Variants in SLC22A24 observed in about 807,000 individuals in gnomAD.
The protein encoded by SLC22A24 is solute carrier family 22 member 24, also known as steroid transmembrane transporter SLC22A24.
In SLC22A24, 53 loss-of-function variants were observed where a neutral mutation model predicts 49.8. That is an observed-to-expected ratio of 1.06 (90% CI 0.85 to 1.34). The LOEUF (loss-of-function observed/expected upper bound fraction) is 1.34. SLC22A24 is among the 40% of genes most tolerant of loss of function. The probability of loss-of-function intolerance (pLI) is 0.00; values close to 1 mark genes in which losing one functional copy is unlikely to be tolerated. For synonymous variants in SLC22A24, 302 were observed against 256.4 expected, an observed-to-expected ratio of 1.18 and a Z score of -1.70; for missense variants, 786 against 675.9, an observed-to-expected ratio of 1.16 and a Z score of -1.81.
At chr11:63,093,388 C>T (rs1281563814) in intron 6 of SLC22A24, among the ~76,000 whole-genome samples, 1 of 152,114 alleles carries the variant, frequency 6.6e-6, no homozygotes, top group African/African-American at 2.4e-5. Context: ...AAAACACATG[C>T]ACACGTATGT....
chr11:63,124,630 C>T (rs1164872754), intron 2 of SLC22A24, among the ~76,000 whole-genome samples: 3 of 152,122 alleles, frequency 2.0e-5, no homozygotes, highest in Non-Finnish European at 4.4e-5. Context: ...AATTATTTTA[C>T]AACTGGTCTC....
chr11:63,091,318 C>T (rs2087019320), intron 6 of SLC22A24, among the ~76,000 whole-genome samples: 2 of 151,656 alleles, frequency 1.3e-5, no homozygotes, highest in African/African-American at 4.8e-5. Flanking sequence ...CCGAAGTCTA[C>T]CAGAGGTACA....
chr11:63,133,905 A>G (rs1403551018), intron 2 of SLC22A24, among the ~76,000 whole-genome samples: 1 of 152,154 alleles, frequency 6.6e-6, no homozygotes, highest in Non-Finnish European at 1.5e-5. Context: ...TTGGCCTCCC[A>G]AAGTGTTGGT....
rs182129227 is a variant in SLC22A24 at position 63,121,762 on chromosome 11, A to G, written c.507-2427T>C. ...ATTAACTCATCATTTAGCATTAGGTATATCTCCTAATGCTATCCCTCCCGA... is the reference window on the plus strand; with the variant it reads ...ATTAACTCATCATTTAGCATTAGGTGTATCTCCTAATGCTATCCCTCCCGA... On this transcript the variant is annotated intron_variant, in intron 2 of 9. Transcript: ENST00000612278. Among the ~76,000 whole-genome samples, 291 of 152,116 alleles carry G rather than the reference A, an allele frequency of 1.9e-3. 2 individuals are homozygous for G. Among genetic ancestry groups the G allele is most frequent in the Non-Finnish European group, 3.3e-3 (223 of 67,994 alleles).
chr11:63,143,405 G>C lies in SLC22A24; in HGVS notation c.375C>G (p.Ser125Arg), dbSNP rs758582815. ...CAGTCACGATGGTGGAGAGGAAAGA[G>C]CTTCTGTCGTACACCCAGCCATCCA... is the stretch of plus-strand genomic sequence containing the variant. ...PCVDGWVYDR[S>R]SFLSTIVTEW... Residue 125 changes from serine (S) to arginine (R), a missense_variant, in exon 1 of 10, where the codon AGC (serine) becomes AGG (arginine). By Grantham distance (110) the Ser-to-Arg change is moderately radical. Transcript: ENST00000612278. The C allele has an allele frequency of 6.7e-7, 1 of 1,492,294 alleles. No individual in the cohort carries two copies. Among genetic ancestry groups the C allele is most frequent in the African/African-American group, 1.4e-5 (1 of 70,236 alleles). The allele number at this position is 1,492,294 out of a possible 1,614,324, so 92.4% of individuals were successfully genotyped here.
chr11:63,099,865 A>G (rs1255967344), intron 5 of SLC22A24, among the ~76,000 whole-genome samples: 1 of 152,162 alleles, frequency 6.6e-6, no homozygotes, highest in African/African-American at 2.4e-5. Flanking sequence ...GCATTTGATA[A>G]AATTCAACTT....
chr11:63,120,581 G>A (rs560079873), intron 2 of SLC22A24, among the ~76,000 whole-genome samples: 1 of 152,140 alleles, frequency 6.6e-6, no homozygotes, highest in South Asian at 2.1e-4. Flanking sequence ...AGAAGGGGAA[G>A]ATAAACAAAT....
rs1345443742 is a variant in SLC22A24 at position 63,134,657 on chromosome 11, A to C, written c.506+8T>G. Reference sequence around the variant, plus strand: ...AAACAGCCCCAAAGAAAGTGAGATGACACTCACCTGTCTGAAAGATGGCCA... The same window carrying C: ...AAACAGCCCCAAAGAAAGTGAGATGCCACTCACCTGTCTGAAAGATGGCCA... On this transcript the variant is annotated splice_region_variant and intron_variant, in intron 2 of 9. Coordinates refer to ENST00000612278, the MANE Select transcript of SLC22A24 (RefSeq NM_001136506.2). 1 of 1,461,462 alleles carries C rather than the reference A, an allele frequency of 6.8e-7. No individual in the cohort carries two copies. Among genetic ancestry groups the C allele is most frequent in the Non-Finnish European group, 9.4e-7 (1 of 1,064,634 alleles). 90.5% of individuals were successfully genotyped at this position (1,461,462 alleles called of 1,614,324 possible).
At chr11:63,107,797 T>C (rs2134655002) in intron 4 of SLC22A24, among the ~76,000 whole-genome samples, 1 of 152,304 alleles carries the variant, frequency 6.6e-6, no homozygotes, top group Non-Finnish European at 1.5e-5. Context: ...TCCTGAGACT[T>C]TGCTGAAGTT....
At chr11:63,101,454 A>T (rs1306317265) in intron 5 of SLC22A24, among the ~76,000 whole-genome samples, 4 of 152,046 alleles carry the variant, frequency 2.6e-5, no homozygotes, top group African/African-American at 9.7e-5. Context: ...AATTAAATTA[A>T]TGCTGATATT....
At chr11:63,125,094 A>G (rs2087279821) in intron 2 of SLC22A24, among the ~76,000 whole-genome samples, 1 of 126,510 alleles carries the variant, frequency 7.9e-6, no homozygotes, top group African/African-American at 2.8e-5. Context: ...CCTAAAACTT[A>G]AAGTATAATA....
intron 6 of SLC22A24, among the ~76,000 whole-genome samples, chr11:63,095,271 A>G (rs1445592761): frequency 1.3e-5 from 2 of 152,182 alleles, no homozygotes; most frequent in Non-Finnish European, 2.9e-5. Context: ...CCAAATATAC[A>G]TGTGCCTTAA....
intron 4 of SLC22A24, among the ~76,000 whole-genome samples, chr11:63,118,048 A>C (rs1290924259): frequency 1.3e-5 from 2 of 152,162 alleles, no homozygotes; most frequent in African/African-American, 4.8e-5. Flanking sequence ...ATGCCTTATG[A>C]GGGGAGCCTT....
intron 6 of SLC22A24, among the ~76,000 whole-genome samples, chr11:63,085,474 G>A (rs780848661): frequency 2.0e-5 from 3 of 152,184 alleles, no homozygotes; most frequent in Non-Finnish European, 4.4e-5. Flanking sequence ...AACAGAATTA[G>A]GCTAATTAAA....
chr11:63,080,934 C>T lies in SLC22A24; in HGVS notation c.1584G>A (p.Gln528=). 1.3e-6 allele frequency: 2 copies of T among 1,551,826 alleles called. No homozygotes were observed. The highest frequency in any genetic ancestry group is 1.2e-5 in the South Asian group (1 of 84,044). The change falls in exon 9 of 10, where the codon CAG becomes CAA. Residue 528 remains glutamine (Q), a synonymous_variant. Coordinates refer to ENST00000612278, the MANE Select transcript of SLC22A24 (RefSeq NM_001136506.2). ...GGTTTACTCACTCATTTTCCACATC[C>T]TGGATGGTGTTAGGAAGAGGTAGAT... ...TRDLPLPNTI[Q]DVENDRKDSR...
rs1463447600 is a variant in SLC22A24 at position 63,111,058 on chromosome 11, AG to A, written c.831-6761del. ...AATTTATTGAGAGTTTTTAGCATGA[AG>A]GGTTGTTGAATTTTGTCAAAGGCCT... is the stretch of plus-strand genomic sequence containing the variant. On this transcript the variant is annotated intron_variant, in intron 4 of 9. Transcript: ENST00000612278. 1.2e-4 allele frequency among the ~76,000 whole-genome samples: 19 copies of A among 152,126 alleles called. No homozygotes were observed. In the South Asian group the frequency reaches 1.9e-3, roughly 15 times the overall value.
chr11:63,114,794 T>C (rs1054605603), intron 4 of SLC22A24, among the ~76,000 whole-genome samples: 5 of 152,220 alleles, frequency 3.3e-5, no homozygotes, highest in African/African-American at 1.2e-4. Flanking sequence ...GTTTGTTAGT[T>C]TTCCTTCTAA....
chr11:63,114,491 G>T (rs1173222579), intron 4 of SLC22A24, among the ~76,000 whole-genome samples: 1 of 152,120 alleles, frequency 6.6e-6, no homozygotes, highest in Non-Finnish European at 1.5e-5. Flanking sequence ...TCCTTGTGAT[G>T]TGTTAGAATA....
intron 6 of SLC22A24, among the ~76,000 whole-genome samples, chr11:63,089,810 G>T (rs554858785): frequency 2.0e-5 from 3 of 152,032 alleles, no homozygotes; most frequent in Non-Finnish European, 4.4e-5. Context: ...GGCCGGCCGC[G>T]GTGGCTCACG....
Sources: allele counts gnomAD v4.1 joint callset (sites outside exome capture counted in the v4.1 genomes callset), GRCh38; gene constraint gnomAD v4.1.1; transcripts MANE v1.5; gene names NCBI Gene and HGNC (gene_info 2026-07-23, HGNC 2026-07-21).